GRIK4: variants seen among roughly 807,000 people sequenced by gnomAD.
GRIK4 encodes glutamate ionotropic receptor kainate type subunit 4.
Under a neutral mutation model 104.9 loss-of-function variants are expected in GRIK4, and 40 were observed. That is an observed-to-expected ratio of 0.38 (90% CI 0.30 to 0.50). GRIK4 has a LOEUF of 0.50. Ranked by LOEUF, GRIK4 falls within the 20% of genes least tolerant of loss-of-function variation. The probability of loss-of-function intolerance (pLI) is 0.93; values close to 1 mark genes in which losing one functional copy is unlikely to be tolerated. For synonymous variants in GRIK4, 485 were observed against 524.9 expected (o/e 0.92, Z 1.04); for missense variants, 1,047 against 1,308.1 (o/e 0.80, Z 3.08).
At chr11:120,708,496 G>T (rs771164120) in intron 3 of GRIK4, among the ~76,000 whole-genome samples, 2 of 152,060 alleles carry the variant, frequency 1.3e-5, no homozygotes, top group African/African-American at 2.4e-5. Flanking sequence ...GTGGGGCTCG[G>T]AGGTGCTAGC....
At position 120,875,152 on chromosome 11, in the gene GRIK4, G is replaced by T; in HGVS notation, c.1073G>T (p.Gly358Val). 6.2e-7 allele frequency: 1 copy of T among 1,607,934 alleles called. No homozygotes were observed. Among genetic ancestry groups the T allele is most frequent in the Non-Finnish European group, 8.5e-7 (1 of 1,174,500 alleles). The change falls in exon 11 of 21, where the codon GGT becomes GTT. Residue 358 changes from glycine to valine, a missense_variant. Physicochemically the swap from Gly to Val is moderately radical, Grantham distance 109. This residue lies in a region of GRIK4 where 447 missense variants were observed against 514.9 expected (regional missense o/e 0.87). Transcript: ENST00000527524. ...MNYLRMVELE[G>V]LTGHIEFNSK... ...TCTCTTGGACAGGTAGAATTGGAAG[G>T]TCTTACCGGCCACATTGAATTCAAC... is the stretch of plus-strand genomic sequence containing the variant.
At chr11:120,638,566 C>T (rs1400329788) in intron 1 of GRIK4, among the ~76,000 whole-genome samples, 1 of 151,832 alleles carries the variant, frequency 6.6e-6, no homozygotes, top group African/African-American at 2.4e-5. Flanking sequence ...CAAGCTCCGC[C>T]TCCTGGGTTC....
chr11:120,645,230 G>C (rs3902978), intron 1 of GRIK4, among the ~76,000 whole-genome samples: 1 of 152,092 alleles, frequency 6.6e-6, no homozygotes, highest in Admixed American at 6.5e-5. Flanking sequence ...TCCTCTGACC[G>C]TGCCTTGGCA....
chr11:120,644,728 T>A (rs897214392), intron 1 of GRIK4, among the ~76,000 whole-genome samples: 11 of 152,014 alleles, frequency 7.2e-5, no homozygotes, highest in African/African-American at 1.2e-4. Context: ...GGCGAAGGGG[T>A]TGCCCTTCCT....
At position 120,967,163 on chromosome 11, in the gene GRIK4, C is replaced by T. The variant is rs754739133; in HGVS notation, c.2267-32C>T. The T allele has an allele frequency of 4.4e-6, 7 of 1,597,076 alleles. No individual in the cohort carries two copies. The Admixed American group carries it at 8.5e-5, about 19-fold the overall frequency. ...TGACACCTAACAGGGCATTCACAAC[C>T]TGTGTCCTGGGCTCTCCCGTAACCC... On this transcript the variant is annotated intron_variant, in intron 18 of 20. Transcript: ENST00000527524. The surrounding 1 kb of genome is among the most constrained non-coding windows in gnomAD (Gnocchi z 4.2).
At chr11:120,917,632 T>A (rs1026612108) in intron 13 of GRIK4, among the ~76,000 whole-genome samples, 2 of 152,204 alleles carry the variant, frequency 1.3e-5, no homozygotes, top group African/African-American at 4.8e-5. Flanking sequence ...GCCACAGATT[T>A]GAAACAGACT....
chr11:120,684,004 T>A (rs536241657), intron 3 of GRIK4, among the ~76,000 whole-genome samples: 1 of 152,186 alleles, frequency 6.6e-6, no homozygotes, highest in South Asian at 2.1e-4. Context: ...CTGGCAAGAC[T>A]TTTTTTGTTT....
At chr11:120,951,154 T>A (rs1943991216) in intron 14 of GRIK4, among the ~76,000 whole-genome samples, 1 of 152,102 alleles carries the variant, frequency 6.6e-6, no homozygotes, top group Non-Finnish European at 1.5e-5. Flanking sequence ...AGTATTTCCA[T>A]CCTCTCCGTG....
chr11:120,639,162 CCAG>C (rs1949438102), intron 1 of GRIK4, among the ~76,000 whole-genome samples: 2 of 152,078 alleles, frequency 1.3e-5, no homozygotes, highest in South Asian at 4.2e-4. Context: ...CCATTGCACT[CCAG>C]CCTGGGCAAC....
intron 3 of GRIK4, among the ~76,000 whole-genome samples, chr11:120,661,270 G>T (rs1223496805): frequency 7.9e-5 from 12 of 152,310 alleles, no homozygotes; most frequent in African/African-American, 2.9e-4. Context: ...GTGTGGACAG[G>T]TGGGTGGGGC....
chr11:120,946,834 G>A (rs1943871907), intron 14 of GRIK4, among the ~76,000 whole-genome samples: 1 of 152,134 alleles, frequency 6.6e-6, no homozygotes, highest in African/African-American at 2.4e-5. Flanking sequence ...TATCATAGGT[G>A]TATTTCTTTC....
intron 1 of GRIK4, among the ~76,000 whole-genome samples, chr11:120,539,754 T>C (rs1948013819): frequency 6.6e-6 from 1 of 152,200 alleles, no homozygotes; most frequent in African/African-American, 2.4e-5. Context: ...CATTGGGGGC[T>C]GGACGGTGGG....
intron 11 of GRIK4, among the ~76,000 whole-genome samples, chr11:120,887,285 C>G (rs1360498849): frequency 2.0e-5 from 3 of 152,282 alleles, no homozygotes; most frequent in Middle Eastern, 3.4e-3. Context: ...AGCAGTGCTG[C>G]CCGTGGCCTC....
chr11:120,898,456 C>G (rs948855598), intron 11 of GRIK4, 76 bp from the exon 12 acceptor site: 1 of 814,586 alleles, frequency 1.2e-6, no homozygotes, highest in African/African-American at 1.7e-5. Flanking sequence ...CAGCCAGAGG[C>G]AGAGGTCAGC....
intron 14 of GRIK4, among the ~76,000 whole-genome samples, chr11:120,948,133 C>T (rs1943907724): frequency 6.6e-6 from 1 of 152,176 alleles, no homozygotes; most frequent in Non-Finnish European, 1.5e-5. Flanking sequence ...AAGAAATCAC[C>T]TCCTCCTGCC....
intron 3 of GRIK4, among the ~76,000 whole-genome samples, chr11:120,771,596 A>G (rs1287920917): frequency 6.6e-6 from 1 of 152,256 alleles, no homozygotes; most frequent in African/African-American, 2.4e-5. Context: ...AAAGAATGAG[A>G]AAGTGTGTTG....
At chr11:120,857,453 C>T (rs1227014151) in intron 8 of GRIK4, among the ~76,000 whole-genome samples, 2 of 152,076 alleles carry the variant, frequency 1.3e-5, no homozygotes, top group African/African-American at 2.4e-5. Context: ...TATTTGGACC[C>T]TTACATACCA....
chr11:120,762,941 G>A (rs930543894), intron 3 of GRIK4, among the ~76,000 whole-genome samples: 1 of 152,156 alleles, frequency 6.6e-6, no homozygotes, highest in Non-Finnish European at 1.5e-5. Context: ...TTTGGTATCA[G>A]GATGATGCTG....
intron 1 of GRIK4, among the ~76,000 whole-genome samples, chr11:120,522,053 A>G (rs1283535440): frequency 6.6e-6 from 1 of 152,250 alleles, no homozygotes; most frequent in African/African-American, 2.4e-5. Context: ...GAGGAAATAC[A>G]TAACCACAGA....
Sources: gnomAD v4.1 joint callset for allele counts (sites outside exome capture counted in the v4.1 genomes callset) on GRCh38, gnomAD v4.1.1 for gene constraint, gnomAD v4.1.1 regional missense constraint, Gnocchi (gnomAD v3.1) non-coding constraint, MANE v1.5 for transcripts, NCBI Gene and HGNC (gene_info 2026-07-23, HGNC 2026-07-21) for gene names.